Variants in SORCS3 observed in about 807,000 individuals in gnomAD.
SORCS3 encodes the protein VPS10 domain-containing receptor SorCS3.
Under a neutral mutation model 146.3 loss-of-function variants are expected in SORCS3, and 57 were observed. That is an observed-to-expected ratio of 0.39 (90% CI 0.31 to 0.49). SORCS3 has a LOEUF of 0.49. Ranked by LOEUF, SORCS3 falls within the 20% of genes least tolerant of loss-of-function variation. The pLI is 0.92. For missense variants in SORCS3, 1,341 were observed against 1,575.5 expected, an observed-to-expected ratio of 0.85 and a Z score of 2.52; for synonymous variants, 653 against 618.5, an observed-to-expected ratio of 1.06 and a Z score of -0.83.
At chr10:104,880,736 C>T (rs950745155) in intron 2 of SORCS3, among the ~76,000 whole-genome samples, 1 of 152,114 alleles carries the variant, frequency 6.6e-6, no homozygotes, top group South Asian at 2.1e-4. Flanking sequence ...CCCTGCTTTC[C>T]CTCATCCTGA....
chr10:105,129,925 A>G (rs76584191), intron 7 of SORCS3, among the ~76,000 whole-genome samples: 11,967 of 152,160 alleles, frequency 0.079, 587 homozygotes, highest in Middle Eastern at 0.12. Context: ...CAGGTGGCAC[A>G]CATGGCTACC....
intron 1 of SORCS3, among the ~76,000 whole-genome samples, chr10:104,756,169 C>T (rs1210746285): frequency 6.6e-6 from 1 of 152,196 alleles, no homozygotes. Flanking sequence ...GTTAGGCCAT[C>T]AGTGAACTGT....
chr10:104,694,250 GCC>G (rs947876600), intron 1 of SORCS3, among the ~76,000 whole-genome samples: 1 of 151,516 alleles, frequency 6.6e-6, no homozygotes, highest in African/African-American at 2.4e-5. Context: ...GCCAGAAACT[GCC>G]CTTCTCTGAG....
intron 24 of SORCS3, among the ~76,000 whole-genome samples, chr10:105,256,339 T>G (rs1480888865): frequency 6.6e-6 from 1 of 152,238 alleles, no homozygotes; most frequent in Non-Finnish European, 1.5e-5. Flanking sequence ...GCCTGTTTAT[T>G]AAATGGTTCT....
At chr10:105,111,124 C>T (rs751245055) in intron 7 of SORCS3, among the ~76,000 whole-genome samples, 27 of 152,198 alleles carry the variant, frequency 1.8e-4, no homozygotes, top group Non-Finnish European at 3.4e-4. Flanking sequence ...CCTCTTTAGT[C>T]TCCATGCACA....
intron 1 of SORCS3, among the ~76,000 whole-genome samples, chr10:104,699,387 C>G (rs1021350153): frequency 6.6e-6 from 1 of 151,838 alleles, no homozygotes; most frequent in Non-Finnish European, 1.5e-5. Context: ...CAGTATTTTA[C>G]CAAGTAATTG....
At chr10:104,978,394 C>T (rs900553306) in intron 4 of SORCS3, among the ~76,000 whole-genome samples, 3 of 152,154 alleles carry the variant, frequency 2.0e-5, no homozygotes, top group South Asian at 4.1e-4. Flanking sequence ...GCTCCAAATA[C>T]GTATATTCAG....
intron 2 of SORCS3, among the ~76,000 whole-genome samples, chr10:104,874,835 AAACACCTTTGGGTCTCTG>A (rs2018554786): frequency 6.6e-6 from 1 of 152,106 alleles, no homozygotes; most frequent in South Asian, 2.1e-4. Flanking sequence ...CAATATTAGA[AAACACCTTTGGGTCTCTG>A]ACCTCATACC....
At chr10:105,013,287 AT>A (rs2055145831) in intron 4 of SORCS3, among the ~76,000 whole-genome samples, 1 of 152,144 alleles carries the variant, frequency 6.6e-6, no homozygotes, top group South Asian at 2.1e-4. Context: ...ATAACATATT[AT>A]TTTTAATAGT....
chr10:105,111,274 C>T (rs780574324), intron 7 of SORCS3, among the ~76,000 whole-genome samples: 8 of 152,160 alleles, frequency 5.3e-5, no homozygotes, highest in East Asian at 1.9e-4. Context: ...CATCCTCAGT[C>T]GGGATTGGAC....
chr10:105,082,553 A>C (rs2055632603), intron 5 of SORCS3, among the ~76,000 whole-genome samples: 1 of 152,184 alleles, frequency 6.6e-6, no homozygotes, highest in South Asian at 2.1e-4. Context: ...ATAGATGTGG[A>C]AACTAAAAAT....
chr10:104,945,709 T>C (rs954677443), intron 3 of SORCS3, among the ~76,000 whole-genome samples: 5 of 152,160 alleles, frequency 3.3e-5, no homozygotes, highest in Non-Finnish European at 5.9e-5. Flanking sequence ...TATTTTGTTA[T>C]GTTAAGGAGG....
intron 7 of SORCS3, among the ~76,000 whole-genome samples, chr10:105,108,778 A>C (rs886626270): frequency 1.3e-5 from 2 of 152,212 alleles, no homozygotes; most frequent in Admixed American, 6.5e-5. Flanking sequence ...TGCAACTATC[A>C]ATTAGCTAAG....
intron 2 of SORCS3, among the ~76,000 whole-genome samples, chr10:104,890,185 G>A (rs1341294360): frequency 1.3e-5 from 2 of 151,830 alleles, no homozygotes; most frequent in Non-Finnish European, 2.9e-5. Flanking sequence ...GTGCTTCTCG[G>A]ATATCGACTT....
chr10:104,824,158 T>C (rs914728693), intron 1 of SORCS3, among the ~76,000 whole-genome samples: 1 of 152,204 alleles, frequency 6.6e-6, no homozygotes, highest in African/African-American at 2.4e-5. Flanking sequence ...TGTGAAATGA[T>C]ACATTTGTGT....
intron 3 of SORCS3, among the ~76,000 whole-genome samples, chr10:104,973,663 T>A (rs1446598740): frequency 2.0e-5 from 3 of 151,194 alleles, no homozygotes; most frequent in Admixed American, 2.0e-4. Context: ...GATTCATTAA[T>A]TTTTTGAAGG....
chr10:104,643,825 C>T (rs1980910), intron 1 of SORCS3, among the ~76,000 whole-genome samples: 152,100 of 152,100 alleles, frequency 1, 76,050 homozygotes, highest in Non-Finnish European at 1. Context: ...GAGGAGGATG[C>T]AATGTCTTTA....
At chr10:105,111,212 T>G (rs552682858) in intron 7 of SORCS3, among the ~76,000 whole-genome samples, 5 of 152,310 alleles carry the variant, frequency 3.3e-5, no homozygotes, top group African/African-American at 1.2e-4. Flanking sequence ...CCAGACAAAT[T>G]TATTATTTAA....
intron 13 of SORCS3, among the ~76,000 whole-genome samples, chr10:105,169,800 C>T (rs1290343431): frequency 6.6e-6 from 1 of 152,098 alleles, no homozygotes; most frequent in African/African-American, 2.4e-5. Context: ...TTAAAACAAG[C>T]TTGTTTTTAA....
Sources: gnomAD v4.1 joint callset for allele counts (sites outside exome capture counted in the v4.1 genomes callset) on GRCh38, gnomAD v4.1.1 for gene constraint, MANE v1.5 for transcripts, NCBI Gene and HGNC (gene_info 2026-07-23, HGNC 2026-07-21) for gene names.